The following ARID1A variants were observed in gnomAD, a reference collection of about 807,000 sequenced individuals.
The protein encoded by ARID1A is AT-rich interaction domain 1A.
A neutral mutation model predicts 212.6 loss-of-function variants in ARID1A; 20 were observed. That is an observed-to-expected ratio of 0.09 (90% confidence interval 0.07 to 0.14). The LOEUF (loss-of-function observed/expected upper bound fraction) is 0.14. ARID1A is among the 10% of genes least tolerant of loss of function. The pLI, the probability that ARID1A is intolerant of heterozygous loss-of-function variation, is 1.00. For missense variants in ARID1A, 2,587 were observed against 3,059.0 expected (o/e 0.85, Z 3.64); for synonymous variants, 1,376 against 1,222.1 (o/e 1.13, Z -2.63).
rs563427459 is a variant in ARID1A at position 26,705,003 on chromosome 1, C to G, written c.1137+7463C>G. On this transcript the variant is annotated intron_variant, in intron 1 of 19. Transcript: ENST00000324856. Reference sequence around the variant, plus strand: ...ACCTGCTGGTCGATCTGTGGTTGGGCCTTGGCACTTCACCGGTCAAGGATC... The same window carrying G: ...ACCTGCTGGTCGATCTGTGGTTGGGGCTTGGCACTTCACCGGTCAAGGATC... Among the ~76,000 whole-genome samples the G allele has an allele frequency of 2.5e-3, 373 of 152,226 alleles. 2 individuals are homozygous for G. The highest frequency in any genetic ancestry group is 4.0e-3 in the Non-Finnish European group (271 of 68,012).
Position 26,697,059 on chromosome 1 carries a change from G to T in ARID1A, c.656G>T (p.Arg219Leu), listed in dbSNP as rs1450841040. 1.3e-6 allele frequency: 2 copies of T among 1,521,790 alleles called. No individual in the cohort carries two copies. The highest frequency in any genetic ancestry group is 1.4e-5 in the African/African-American group (1 of 69,032). 94.3% of individuals were successfully genotyped at this position (1,521,790 alleles called of 1,614,324 possible). ...NHQYNSYYPN[R>L]SAYPPPAPAY... Reference sequence around the variant, plus strand: ...CAGTACAACTCCTACTACCCCAACCGCAGCGCCTACCCCCCGCCCGCCCCG... The same window carrying T: ...CAGTACAACTCCTACTACCCCAACCTCAGCGCCTACCCCCCGCCCGCCCCG... Residue 219 changes from arginine (R) to leucine (L), a missense_variant, in exon 1 of 20, where the codon CGC (arginine) becomes CTC (leucine). Arg to Leu is a moderately radical substitution (Grantham distance 102). Coordinates refer to ENST00000324856, the MANE Select transcript of ARID1A (RefSeq NM_006015.6).
At chr1:26,717,191 A>G (rs2080511813) in intron 1 of ARID1A, among the ~76,000 whole-genome samples, 1 of 151,974 alleles carries the variant, frequency 6.6e-6, no homozygotes, top group African/African-American at 2.4e-5. Flanking sequence ...GGACTGGCCA[A>G]CCCTTTTGGT....
chr1:26,750,705 A>G (rs2080876200), intron 4 of ARID1A, among the ~76,000 whole-genome samples: 1 of 151,862 alleles, frequency 6.6e-6, no homozygotes, highest in Non-Finnish European at 1.5e-5. Flanking sequence ...ATTCAGTTTG[A>G]ATACCCAGCA....
Position 26,780,842 on chromosome 1 carries a change from C to T in ARID1A, c.*86C>T, listed in dbSNP as rs193200602. On this transcript the variant is annotated 3_prime_UTR_variant, in exon 20 of 20. Coordinates refer to ENST00000324856, the MANE Select transcript of ARID1A (RefSeq NM_006015.6). This position sits in a 1 kb window ranked among gnomAD's most constrained non-coding sequence, Gnocchi z 7.2. ...ACTGTTGCCCTTTATTTATGCAAAA[C>T]CACCTCAGAATCCAGTTTACCCTGT... is the stretch of plus-strand genomic sequence containing the variant. The T allele has an allele frequency of 2.1e-5, 31 of 1,479,002 alleles. No homozygotes were observed. In the East Asian group the frequency reaches 6.6e-4, roughly 32 times the overall value. 91.6% of individuals were successfully genotyped at this position (1,479,002 alleles called of 1,614,324 possible).
intron 1 of ARID1A, 73 bp downstream of exon 1, chr1:26,697,613 C>A (rs2124745752): frequency 8.0e-7 from 1 of 1,243,740 alleles, no homozygotes; most frequent in Non-Finnish European, 1.0e-6. Flanking sequence ...GGTGAGCGGG[C>A]CACAGCCTTG....
chr1:26,731,753 T>A lies in ARID1A; in HGVS notation c.1803+149T>A, dbSNP rs1043393538. 22 of 868,022 alleles carry A rather than the reference T, an allele frequency of 2.5e-5. No homozygotes were observed. In the African/African-American group the frequency reaches 2.6e-4, roughly 10 times the overall value. 53.8% of individuals were successfully genotyped at this position (868,022 alleles called of 1,614,324 possible). A position where few individuals can be genotyped will look rare whatever the true frequency, so the allele number is the denominator to read the frequency against. On this transcript the variant is annotated intron_variant, in intron 3 of 19. Coordinates refer to ENST00000324856, the MANE Select transcript of ARID1A (RefSeq NM_006015.6). ...TGGGTAAACATGATAACTGGATTGA[T>A]TGAACTAATAAAGGCATAACCTCCT...
At chr1:26,775,974 A>G (rs989295468) in intron 19 of ARID1A, 13 of 582,952 alleles carry the variant, frequency 2.2e-5, no homozygotes, top group Admixed American at 6.6e-5. Context: ...TTCAGATTCA[A>G]TCGATGCCAG....
At chr1:26,701,301 G>A (rs1184270455) in intron 1 of ARID1A, among the ~76,000 whole-genome samples, 4 of 152,202 alleles carry the variant, frequency 2.6e-5, no homozygotes, top group East Asian at 3.8e-4. Flanking sequence ...TTGGCACCGA[G>A]TAGTTCTTTT....
chr1:26,700,927 AGAGAAAGCAGCCAG>A (rs1328808059), intron 1 of ARID1A, among the ~76,000 whole-genome samples: 1 of 152,228 alleles, frequency 6.6e-6, no homozygotes, highest in Non-Finnish European at 1.5e-5. Flanking sequence ...GTGTGAGAAC[AGAGAAAGCAGCCAG>A]GACCAGGTTT....
chr1:26,721,372 C>T (rs1292750807), intron 1 of ARID1A, among the ~76,000 whole-genome samples: 3 of 152,050 alleles, frequency 2.0e-5, no homozygotes, highest in Admixed American at 6.6e-5. Context: ...CCATCACACC[C>T]GGCTAATATT....
intron 7 of ARID1A, 77 bp from the exon 8 acceptor site, chr1:26,762,896 T>C: frequency 1.5e-6 from 2 of 1,327,818 alleles, no homozygotes; most frequent in Non-Finnish European, 2.0e-6. Flanking sequence ...ATGACATTGT[T>C]TGGTGTTCTA....
In ARID1A at chr1:26,766,348, A is replaced by G. The variant is rs2081039299; in HGVS notation, c.2860A>G (p.Met954Val). 4.3e-6 allele frequency: 7 copies of G among 1,614,210 alleles called. No homozygotes were observed. The highest frequency in any genetic ancestry group is 5.9e-6 in the Non-Finnish European group (7 of 1,180,034). ...ACCCCCATATTCCATGGGTGGAACC[A>G]TGGCCAACAATTCTGCAGGTAAGTG... is the stretch of plus-strand genomic sequence containing the variant. ...QGPPYSMGGT[M>V]ANNSAGMAAS... Residue 954 changes from methionine to valine, a missense_variant, in exon 9 of 20, where the codon ATG becomes GTG. Around this residue, in one of 11 missense-constraint regions of ARID1A, gnomAD observed 674 missense variants for 813.4 expected, o/e 0.83. Coordinates refer to ENST00000324856, the MANE Select transcript of ARID1A (RefSeq NM_006015.6).
intron 1 of ARID1A, among the ~76,000 whole-genome samples, chr1:26,724,746 G>T (rs1263229036): frequency 6.6e-6 from 1 of 152,150 alleles, no homozygotes; most frequent in Non-Finnish European, 1.5e-5. Flanking sequence ...AGTCTGGAGG[G>T]TCTTGTAATT....
At chr1:26,773,082 G>C in intron 14 of ARID1A, 95 bp downstream of exon 14, 1 of 1,484,256 alleles carries the variant, frequency 6.7e-7, no homozygotes, top group Non-Finnish European at 9.1e-7. Flanking sequence ...TTCTTGTGGA[G>C]CCATCCTCTG....
intron 1 of ARID1A, among the ~76,000 whole-genome samples, chr1:26,703,727 C>G (rs536932715): frequency 6.6e-6 from 1 of 152,262 alleles, no homozygotes; most frequent in South Asian, 2.1e-4. Flanking sequence ...GTTTCTAAGT[C>G]AGAGAGATCA....
chr1:26,699,196 AT>A (rs1222747402), intron 1 of ARID1A, among the ~76,000 whole-genome samples: 1 of 152,328 alleles, frequency 6.6e-6, no homozygotes, highest in African/African-American at 2.4e-5. Context: ...CTTCCAAGAT[AT>A]GAAGATACGA....
chr1:26,726,454 C>T (rs748418613), intron 1 of ARID1A, among the ~76,000 whole-genome samples: 1 of 152,178 alleles, frequency 6.6e-6, no homozygotes, highest in Non-Finnish European at 1.5e-5. Context: ...GGATTACAGG[C>T]GTGAGACACT....
In ARID1A at chr1:26,730,811, G is replaced by C. The variant is rs192872567; in HGVS notation, c.1351-341G>C. Among the ~76,000 whole-genome samples, 17 of 152,298 alleles carry C rather than the reference G, an allele frequency of 1.1e-4. No individual in the cohort carries two copies. The East Asian group carries it at 2.9e-3, about 26-fold the overall frequency. ...GACTATTCATTGTGGTTAGGGTACA[G>C]ATTCCTAACACTTATAAAAACAGTC... On this transcript the variant is annotated intron_variant, in intron 2 of 19. Transcript: ENST00000324856.
At position 26,760,842 on chromosome 1, in the gene ARID1A, T is replaced by C. The variant is rs201506033; in HGVS notation, c.1921-14T>C. ...CTAATATTACTAATCCATGTTCTTA[T>C]ATATATGTTCTAGGATCTATCTGGT... On this transcript the variant is annotated splice_polypyrimidine_tract_variant and intron_variant, in intron 4 of 19. Coordinates refer to ENST00000324856, the MANE Select transcript of ARID1A (RefSeq NM_006015.6). 137 of 1,602,856 alleles carry C rather than the reference T, an allele frequency of 8.5e-5. No individual in the cohort carries two copies. The highest frequency in any genetic ancestry group is 1.0e-4 in the Non-Finnish European group (121 of 1,171,478).
Sources: gnomAD v4.1 joint callset for allele counts (sites outside exome capture counted in the v4.1 genomes callset) on GRCh38, gnomAD v4.1.1 for gene constraint, gnomAD v4.1.1 regional missense constraint, Gnocchi (gnomAD v3.1) non-coding constraint, MANE v1.5 for transcripts, NCBI Gene and HGNC (gene_info 2026-07-23, HGNC 2026-07-21) for gene names.